The following ZNF613 variants were observed in gnomAD, a reference collection of about 807,000 sequenced individuals.
ZNF613 encodes the protein zinc finger protein 613.
Under a neutral mutation model 14.3 loss-of-function variants are expected in ZNF613, and 8 were observed. The observed-to-expected ratio is 0.56, with a 90% CI of 0.33 to 1.01. ZNF613 has a LOEUF of 1.01. Ranked by LOEUF, ZNF613 falls within the 50% of genes least tolerant of loss-of-function variation. The probability of loss-of-function intolerance (pLI) is 0.03; values close to 1 mark genes in which losing one functional copy is unlikely to be tolerated. For synonymous variants in ZNF613, 228 were observed against 254.5 expected (o/e 0.90, Z 0.99); for missense variants, 656 against 741.9 (o/e 0.88, Z 1.35).
chr19:51,938,725 G>GATATATATATATATATATAT (rs113608259), intron 3 of ZNF613, among the ~76,000 whole-genome samples: 190 of 118,790 alleles, frequency 1.6e-3, no homozygotes, highest in African/African-American at 6.4e-3. Flanking sequence ...AATGTACATG[G>GATATATATATATATATATAT]ATATATATAT....
chr19:51,927,498 GT>G lies in ZNF613; in HGVS notation c.-400del. On this transcript the variant is annotated 5_prime_UTR_variant, in exon 1 of 6. Transcript: ENST00000293471. ...CCCAGAAGTGGAATAATTCAGGAAA[GT>G]GCAGGTTCTGGGAAGTCTCGGTGGG... is the stretch of plus-strand genomic sequence containing the variant. 1 of 152,214 alleles carries G rather than the reference GT, an allele frequency of 6.6e-6. No homozygotes were observed. The highest frequency in any genetic ancestry group is 1.5e-5 in the Non-Finnish European group (1 of 68,240). The allele number at this position is 152,214 out of a possible 1,614,324, so 9.4% of individuals were successfully genotyped here.
intron 5 of ZNF613, among the ~76,000 whole-genome samples, chr19:51,941,078 C>T (rs1321780792): frequency 5.9e-5 from 9 of 152,052 alleles, no homozygotes; most frequent in Non-Finnish European, 2.9e-5. Flanking sequence ...CACAGGCACC[C>T]GCCACTACGC....
chr19:51,928,907 C>G (rs1228012613), intron 1 of ZNF613, among the ~76,000 whole-genome samples: 1 of 148,164 alleles, frequency 6.7e-6, no homozygotes, highest in Non-Finnish European at 1.5e-5. Context: ...AAAAACAAAA[C>G]GAAGAAAATG....
chr19:51,939,355 G>A (rs918900947), intron 3 of ZNF613, among the ~76,000 whole-genome samples: 3 of 151,630 alleles, frequency 2.0e-5, no homozygotes, highest in South Asian at 2.1e-4. Flanking sequence ...TTGAGATGAA[G>A]TCTCGCTCTG....
intron 2 of ZNF613, among the ~76,000 whole-genome samples, chr19:51,931,357 T>C (rs2085262593): frequency 6.6e-6 from 1 of 152,218 alleles, no homozygotes; most frequent in Non-Finnish European, 1.5e-5. Flanking sequence ...CTTTTAGATA[T>C]AAAATCATCA....
chr19:51,945,022 G>T lies in ZNF613; in HGVS notation c.1139G>T (p.Gly380Val), dbSNP rs771042545. 1 of 1,614,026 alleles carries T rather than the reference G, an allele frequency of 6.2e-7. No individual in the cohort carries two copies. Among genetic ancestry groups the T allele is most frequent in the South Asian group, 1.1e-5 (1 of 91,082 alleles). Residue 380 changes from glycine to valine, a missense_variant, in exon 6 of 6, where the codon GGC (glycine) becomes GTC (valine). Physicochemically the swap from Gly to Val is moderately radical, Grantham distance 109. Transcript: ENST00000293471. Reference sequence around the variant, plus strand: ...TATATATGCCGTGATTGTGGAAAAGGCTTCATTCAGAAGGGAAATCTCATT... The same window carrying T: ...TATATATGCCGTGATTGTGGAAAAGTCTTCATTCAGAAGGGAAATCTCATT... ...KSYICRDCGK[G>V]FIQKGNLIVH...
intron 3 of ZNF613, among the ~76,000 whole-genome samples, chr19:51,939,191 A>C (rs1231604056): frequency 6.6e-6 from 1 of 152,040 alleles, no homozygotes; most frequent in Non-Finnish European, 1.5e-5. Flanking sequence ...TTACCAGTTC[A>C]TTGACTATCT....
Position 51,940,609 on chromosome 19 carries a change from A to G in ZNF613, c.143-8A>G, listed in dbSNP as rs760662109. The G allele has an allele frequency of 3.0e-5, 49 of 1,609,656 alleles. No individual in the cohort carries two copies. In the East Asian group the frequency reaches 9.1e-4, roughly 30 times the overall value. On this transcript the variant is annotated splice_polypyrimidine_tract_variant and splice_region_variant and intron_variant, in intron 4 of 5. Coordinates refer to ENST00000293471, the MANE Select transcript of ZNF613 (RefSeq NM_001031721.4). The stretch of plus-strand genomic sequence containing the variant: ...GAGCCTAAGTTGTGTATCATTTCCT[A>G]TGAACAGGGTATCAAGCCAGCAAAC...
At chr19:51,938,314 C>G (rs2085320340) in intron 3 of ZNF613, among the ~76,000 whole-genome samples, 1 of 151,884 alleles carries the variant, frequency 6.6e-6, no homozygotes, top group Non-Finnish European at 1.5e-5. Flanking sequence ...CATTGTCACC[C>G]AGGCTGGAGT....
rs773086788 is a variant in ZNF613, at chr19:51,944,191, G to T, written c.308G>T (p.Cys103Phe). Residue 103 changes from cysteine to phenylalanine, a missense_variant, in exon 6 of 6, where the codon TGC (cysteine) becomes TTC (phenylalanine). By Grantham distance (205) the Cys-to-Phe change is radical. Transcript: ENST00000293471. ...AGATGTCTGAAGAGAGTGGAACAATGCCATAAACATAATGCATTTGGAAAC... is the reference window on the plus strand; with the variant it reads ...AGATGTCTGAAGAGAGTGGAACAATTCCATAAACATAATGCATTTGGAAAC... ...KQRCLKRVEQ[C>F]HKHNAFGNII... The T allele has an allele frequency of 1.2e-6, 2 of 1,602,056 alleles. No individual in the cohort carries two copies. The highest frequency in any genetic ancestry group is 4.5e-5 in the East Asian group (2 of 44,662).
rs778629369 is a variant in ZNF613, at chr19:51,940,349, C to T, written c.142+14C>T. On this transcript the variant is annotated intron_variant, in intron 4 of 5. Transcript: ENST00000293471. ...TCGTGTCAGTGGGTGAGGACAGCTG[C>T]CCTGTGTCACTCAGAGAGTACCCAG... 6.2e-7 allele frequency: 1 copy of T among 1,612,912 alleles called. No individual in the cohort carries two copies. Among genetic ancestry groups the T allele is most frequent in the Non-Finnish European group, 8.5e-7 (1 of 1,179,342 alleles).
rs1188974984 is a variant in ZNF613, at chr19:51,946,450, A to G, written c.*713A>G. ...TATTCCCAACCAAGATCATTATATGATTAGCTCTTGTGTTTCTTTGATTCC... is the reference window on the plus strand; with the variant it reads ...TATTCCCAACCAAGATCATTATATGGTTAGCTCTTGTGTTTCTTTGATTCC... On this transcript the variant is annotated 3_prime_UTR_variant, in exon 6 of 6. Coordinates refer to ENST00000293471, the MANE Select transcript of ZNF613 (RefSeq NM_001031721.4). 1 of 152,218 alleles carries G rather than the reference A, an allele frequency of 6.6e-6. No homozygotes were observed. The highest frequency in any genetic ancestry group is 1.5e-5 in the Non-Finnish European group (1 of 68,038). 9.4% of individuals were successfully genotyped at this position (152,218 alleles called of 1,614,324 possible).
rs911659206 is a variant in ZNF613 at position 51,932,586 on chromosome 19, C to T, written c.-194+2690C>T. 2.6e-5 allele frequency among the ~76,000 whole-genome samples: 4 copies of T among 152,070 alleles called. No homozygotes were observed. In the East Asian group the frequency reaches 5.8e-4, roughly 22 times the overall value. On this transcript the variant is annotated intron_variant, in intron 2 of 5. Coordinates refer to ENST00000293471, the MANE Select transcript of ZNF613 (RefSeq NM_001031721.4). The stretch of plus-strand genomic sequence containing the variant: ...TCCTGGGATTACAGGCGTGAGCCAC[C>T]GCACCAGGCCAGTGTGCTGTCTGTA...
At position 51,945,900 on chromosome 19, in the gene ZNF613, G is replaced by A. The variant is rs2085397964; in HGVS notation, c.*163G>A. On this transcript the variant is annotated 3_prime_UTR_variant, in exon 6 of 6. Transcript: ENST00000293471. ...ACTCAGAGAAAAATAGTATGAAGTG[G>A]AGACTGGGAAATTCTTTTATGGGAA... 2.8e-6 allele frequency: 2 copies of A among 715,108 alleles called. No individual in the cohort carries two copies. The highest frequency in any genetic ancestry group is 2.9e-5 in the Admixed American group (1 of 34,812). 44.3% of individuals were successfully genotyped at this position (715,108 alleles called of 1,614,324 possible).
At position 51,938,750 on chromosome 19, in the gene ZNF613, ATG is replaced by A. The variant is rs10525528; in HGVS notation, c.16-1456_16-1455del. On this transcript the variant is annotated intron_variant, in intron 3 of 5. Transcript: ENST00000293471. ...GATATATATATATATATATATATAT[ATG>A]TGCAATATGCTGTATAGGTTTATAG... Among the ~76,000 whole-genome samples, 738 of 138,128 alleles carry A rather than the reference ATG, an allele frequency of 5.3e-3. 18 individuals are homozygous for A. The highest frequency in any genetic ancestry group is 0.02 in the African/African-American group (633 of 31,678). 90.6% of individuals were successfully genotyped at this position (138,128 alleles called of 152,430 possible).
At chr19:51,930,964 G>A (rs2122804896) in intron 2 of ZNF613, among the ~76,000 whole-genome samples, 1 of 152,244 alleles carries the variant, frequency 6.6e-6, no homozygotes, top group East Asian at 1.9e-4. Context: ...GCATTCTAGT[G>A]GGTGTTAGGT....
chr19:51,937,244 G>A (rs967700812), intron 3 of ZNF613, among the ~76,000 whole-genome samples: 1 of 152,150 alleles, frequency 6.6e-6, no homozygotes, highest in African/African-American at 2.4e-5. Flanking sequence ...TGTAGCCAAG[G>A]GACAAAAGTC....
chr19:51,927,828 C>G (rs1568462415), intron 1 of ZNF613: 1 of 152,278 alleles, frequency 6.6e-6, no homozygotes, highest in Non-Finnish European at 1.5e-5. Flanking sequence ...TCAAGGAAAA[C>G]TGTGTCTGCT....
rs1425391315 is a variant in ZNF613, at chr19:51,945,292, G to T, written c.1409G>T (p.Gly470Val). The change falls in exon 6 of 6, where the codon GGT becomes GTT. Residue 470 changes from glycine to valine, a missense_variant. Transcript: ENST00000293471. Reference sequence around the variant, plus strand: ...GGAAAATCCTGCTCACACAAGTCAGGTCTCATTAACCACCAGAGAATTCAC... The same window carrying T: ...GGAAAATCCTGCTCACACAAGTCAGTTCTCATTAACCACCAGAGAATTCAC... ...ECGKSCSHKS[G>V]LINHQRIHTG... 2 of 1,613,742 alleles carry T rather than the reference G, an allele frequency of 1.2e-6. No individual in the cohort carries two copies. Among genetic ancestry groups the T allele is most frequent in the Non-Finnish European group, 1.7e-6 (2 of 1,179,910 alleles).
Sources: allele counts gnomAD v4.1 joint callset (sites outside exome capture counted in the v4.1 genomes callset), GRCh38; gene constraint gnomAD v4.1.1; transcripts MANE v1.5; gene names NCBI Gene and HGNC (gene_info 2026-07-23, HGNC 2026-07-21).